The following USP35 variants were observed in gnomAD, a reference collection of about 807,000 sequenced individuals.
USP35 encodes the protein ubiquitin carboxyl-terminal hydrolase 35.
A neutral mutation model predicts 83.8 loss-of-function variants in USP35; 69 were observed. The observed-to-expected ratio is 0.82, with a 90% CI of 0.68 to 1.01. The LOEUF (loss-of-function observed/expected upper bound fraction) is 1.01. Ranked by LOEUF, USP35 falls within the 50% of genes least tolerant of loss-of-function variation. USP35 has a pLI of 0.00. For synonymous variants in USP35, 714 were observed against 589.5 expected (o/e 1.21, Z -3.06); for missense variants, 1,503 against 1,362.5 (o/e 1.10, Z -1.62).
chr11:78,197,244 G>A (rs57180409), intron 2 of USP35, among the ~76,000 whole-genome samples: 3 of 146,704 alleles, frequency 2.0e-5, no homozygotes, highest in African/African-American at 7.7e-5. Context: ...GAGGTGGGGG[G>A]GGGGGTCATT....
downstream of USP35, chr11:78,219,103 T>C (rs962896388): frequency 1.4e-5 from 9 of 638,302 alleles, no homozygotes; most frequent in African/African-American, 3.7e-5. Context: ...GATCAGGCCC[T>C]CACCTCCCAG....
downstream of USP35, among the ~76,000 whole-genome samples, chr11:78,220,106 T>G (rs532653687): frequency 1.3e-5 from 2 of 152,320 alleles, no homozygotes; most frequent in Non-Finnish European, 2.9e-5. Context: ...GATGAGGTTC[T>G]CTGACTGAGG....
At chr11:78,232,212 A>G in the USP35 span, among the ~76,000 whole-genome samples, 2,539 of 152,314 alleles carry the variant, frequency 0.017, 75 homozygotes, top group African/African-American at 0.058. Context: ...TGACATTTCT[A>G]ATTTTACCAT....
chr11:78,219,565 CTCTT>C, downstream of USP35: 1 of 702,370 alleles, frequency 1.4e-6, no homozygotes, highest in Admixed American at 2.5e-5. Flanking sequence ...AGCCTGGCTT[CTCTT>C]TCTGAATGTG....
At chr11:78,200,274 C>T in intron 5 of USP35, 40 bp downstream of exon 5, 2 of 1,604,580 alleles carry the variant, frequency 1.2e-6, no homozygotes, top group South Asian at 2.2e-5. Flanking sequence ...AGGCCCCTGC[C>T]TGCTGCCCCT....
At chr11:78,200,267 C>A (rs777188359) in intron 5 of USP35, 33 bp downstream of exon 5, 6 of 1,602,762 alleles carry the variant, frequency 3.7e-6, no homozygotes, top group African/African-American at 1.3e-5. Flanking sequence ...CCTGGTGAGG[C>A]CCCTGCCTGC....
chr11:78,236,955 T>A, the USP35 span, among the ~76,000 whole-genome samples: 3 of 152,218 alleles, frequency 2.0e-5, no homozygotes, highest in East Asian at 5.8e-4. Context: ...AATCCTTTGT[T>A]TTTAAAGAGG....
At chr11:78,226,919 A>T in the USP35 span, 1 of 1,613,940 alleles carries the variant, frequency 6.2e-7, no homozygotes, top group Non-Finnish European at 8.5e-7. Context: ...TCGGCTTGGG[A>T]AGGCTATAGA....
At chr11:78,198,138 T>G in intron 3 of USP35, 70 bp downstream of exon 3, 2 of 1,599,696 alleles carry the variant, frequency 1.3e-6, no homozygotes, top group Non-Finnish European at 8.5e-7. Context: ...AAGCCCCTTC[T>G]CCTGGGTGGG....
rs149603593 is a variant in USP35, at chr11:78,207,284, A to G, written c.1392-246A>G. 2.2e-3 allele frequency: 986 copies of G among 441,190 alleles called. 8 individuals carry two copies. The highest frequency in any genetic ancestry group is 0.018 in the African/African-American group (888 of 50,298). 27.3% of individuals were successfully genotyped at this position (441,190 alleles called of 1,614,324 possible). On this transcript the variant is annotated intron_variant, in intron 7 of 10. Transcript: ENST00000529308. ...GTAGGTCTCAGAGCTGGAAGGGGCT[A>G]CAAGGGTCACCTTTGTACCCTTCAT...
intron 9 of USP35, 122 bp downstream of exon 9, chr11:78,209,085 G>A (rs1441067161): frequency 4.0e-6 from 4 of 1,007,584 alleles, no homozygotes; most frequent in Non-Finnish European, 5.8e-6. Context: ...CATGTGGAGG[G>A]CGTGGAGAAG....
downstream of USP35, chr11:78,216,477 G>T (rs183285595): frequency 6.6e-6 from 1 of 152,298 alleles, no homozygotes; most frequent in African/African-American, 2.4e-5. Context: ...CTGGTAGTTT[G>T]GGGCCTGTGA....
chr11:78,223,815 G>T, the USP35 span: 4 of 671,152 alleles, frequency 6.0e-6, no homozygotes, highest in South Asian at 6.6e-5. Context: ...ACCTTGGGGA[G>T]ACCAAATAAG....
downstream of USP35, chr11:78,219,306 T>C: frequency 6.2e-7 from 1 of 1,613,762 alleles, no homozygotes. Context: ...CTCTGAGGAC[T>C]GCCGCACGTC....
At chr11:78,223,386 T>C in the USP35 span, 47 of 1,488,886 alleles carry the variant, frequency 3.2e-5, no homozygotes, top group South Asian at 4.8e-4. Flanking sequence ...TGTCCAGAGA[T>C]GGGACAGGGG....
chr11:78,190,135 C>G (rs1466134413), intron 1 of USP35, among the ~76,000 whole-genome samples: 1 of 152,186 alleles, frequency 6.6e-6, no homozygotes, highest in Non-Finnish European at 1.5e-5. Context: ...AGGGGCTGCT[C>G]TGACCTGGAG....
chr11:78,194,691 G>A (rs1183166828), intron 1 of USP35, among the ~76,000 whole-genome samples: 1 of 152,168 alleles, frequency 6.6e-6, no homozygotes, highest in Non-Finnish European at 1.5e-5. Flanking sequence ...GAGAAGGGCA[G>A]AAGGAAGGCT....
intron 10 of USP35, among the ~76,000 whole-genome samples, chr11:78,213,285 C>T (rs1389651962): frequency 6.6e-6 from 1 of 152,086 alleles, no homozygotes; most frequent in Non-Finnish European, 1.5e-5. Flanking sequence ...GGAGGATGGG[C>T]TTTCTCATAG....
chr11:78,189,654 A>G (rs1417776998), intron 1 of USP35, among the ~76,000 whole-genome samples: 1 of 151,952 alleles, frequency 6.6e-6, no homozygotes, highest in African/African-American at 2.4e-5. Flanking sequence ...TTCCTTCCAG[A>G]AAGCTTGGGG....
Sources: gnomAD v4.1 joint callset for allele counts (sites outside exome capture counted in the v4.1 genomes callset) on GRCh38, gnomAD v4.1.1 for gene constraint, MANE v1.5 for transcripts, NCBI Gene and HGNC (gene_info 2026-07-23, HGNC 2026-07-21) for gene names.